Variants in FNIP1 observed in about 807,000 individuals in gnomAD.
The protein encoded by FNIP1 is folliculin interacting protein 1.
In FNIP1, 40 loss-of-function variants were observed where a neutral mutation model predicts 124.5. The ratio of observed to expected loss-of-function variants is 0.32; its 90% CI spans 0.25 to 0.42. The LOEUF (loss-of-function observed/expected upper bound fraction) is 0.42, where lower values mean the gene tolerates loss of function less well. Among genes scored for constraint, FNIP1 ranks in the 10% least tolerant of loss-of-function variants. The pLI, the probability that FNIP1 is intolerant of heterozygous loss-of-function variation, is 1.00. For missense variants in FNIP1, 1,176 were observed against 1,403.7 expected (o/e 0.84, Z 2.59); for synonymous variants, 472 against 470.6 (o/e 1.00, Z -0.04).
chr5:131,714,395 T>C lies in FNIP1; in HGVS notation c.622+2170A>G, dbSNP rs531110601. On this transcript the variant is annotated intron_variant, in intron 6 of 17. Transcript: ENST00000510461. ...CATTTCCCCTAATACAATTGTTGCA[T>C]GTTTAATCCTGTCTTTGGCAAACCG... Among the ~76,000 whole-genome samples, 84 of 152,308 alleles carry C rather than the reference T, an allele frequency of 5.5e-4. 1 individual carries two copies. The highest frequency in any genetic ancestry group is 1.8e-3 in the African/African-American group (76 of 41,566).
intron 1 of FNIP1, among the ~76,000 whole-genome samples, chr5:131,782,401 C>CAA: frequency 6.6e-6 from 1 of 151,812 alleles, no homozygotes; most frequent in Non-Finnish European, 1.5e-5. Context: ...AACAAAAAAA[C>CAA]AAAAACCAAA....
chr5:131,696,753 A>G (rs1188274489), intron 11 of FNIP1, among the ~76,000 whole-genome samples: 1 of 152,154 alleles, frequency 6.6e-6, no homozygotes, highest in African/African-American at 2.4e-5. Context: ...ATACCAAAAA[A>G]TAATATAAGG....
At chr5:131,728,064 T>C (rs1210112205) in intron 3 of FNIP1, among the ~76,000 whole-genome samples, 1 of 152,242 alleles carries the variant, frequency 6.6e-6, no homozygotes, top group East Asian at 1.9e-4. Flanking sequence ...TCTGATGGAC[T>C]TTCCTTTGTG....
chr5:131,741,156 T>C (rs1347895352), intron 2 of FNIP1, among the ~76,000 whole-genome samples: 2 of 152,238 alleles, frequency 1.3e-5, no homozygotes, highest in Non-Finnish European at 2.9e-5. Flanking sequence ...CCCTGAATTC[T>C]TTCTTGCTCA....
At position 131,740,734 on chromosome 5, in the gene FNIP1, C is replaced by A. The variant is rs1398119733; in HGVS notation, c.219+3830G>T. On this transcript the variant is annotated intron_variant, in intron 2 of 17. Transcript: ENST00000510461. ...GGGGCTGGGTAAAATAAGGCTCAGA[C>A]CGACTGGGCTGCATTCCCAGATGGT... Among the ~76,000 whole-genome samples, 6 of 152,164 alleles carry A rather than the reference C, an allele frequency of 3.9e-5. No homozygotes were observed. The South Asian group carries it at 1.0e-3, about 26-fold the overall frequency.
chr5:131,672,087 T>C lies in FNIP1; in HGVS notation c.2357A>G (p.Glu786Gly), dbSNP rs984004872. 4 of 1,614,076 alleles carry C rather than the reference T, an allele frequency of 2.5e-6. No individual in the cohort carries two copies. Among genetic ancestry groups the C allele is most frequent in the African/African-American group, 2.7e-5 (2 of 74,912 alleles). ...ATGCTGATCAATAGCCCCTCTTTCT[T>C]CCTTCAATGGTTTGGTGTGATGTCT... ...ITRHHTKPLK[E>G]ERGAIDQHQE... Residue 786 changes from glutamate to glycine, a missense_variant, in exon 14 of 18, where the codon GAA becomes GGA. Transcript: ENST00000510461.
intron 15 of FNIP1, among the ~76,000 whole-genome samples, chr5:131,663,362 C>T (rs1292674455): frequency 3.3e-5 from 5 of 152,096 alleles, no homozygotes; most frequent in Middle Eastern, 3.2e-3. Flanking sequence ...TTTCTTGATT[C>T]TCTGTTTCTG....
intron 1 of FNIP1, among the ~76,000 whole-genome samples, chr5:131,744,917 C>T (rs1770626500): frequency 6.6e-6 from 1 of 151,116 alleles, no homozygotes. Flanking sequence ...TGGTAACTAT[C>T]AGTATATATA....
chr5:131,665,984 C>G (rs1261514620), intron 15 of FNIP1, among the ~76,000 whole-genome samples: 1 of 150,084 alleles, frequency 6.7e-6, no homozygotes, highest in Non-Finnish European at 1.5e-5. Flanking sequence ...TCACTGCAAG[C>G]TCCGCCTCCT....
intron 1 of FNIP1, among the ~76,000 whole-genome samples, chr5:131,779,640 A>G (rs1199409743): frequency 6.6e-6 from 1 of 151,254 alleles, no homozygotes; most frequent in Non-Finnish European, 1.5e-5. Flanking sequence ...GTGAGCCGAT[A>G]TCGCACCACT....
chr5:131,733,838 C>T (rs1342221667), intron 2 of FNIP1, among the ~76,000 whole-genome samples: 1 of 152,106 alleles, frequency 6.6e-6, no homozygotes, highest in Non-Finnish European at 1.5e-5. Context: ...ATGATGCTGG[C>T]CTCATAAAAT....
chr5:131,657,442 C>T (rs1767230224), intron 15 of FNIP1, among the ~76,000 whole-genome samples: 1 of 152,012 alleles, frequency 6.6e-6, no homozygotes, highest in Non-Finnish European at 1.5e-5. Flanking sequence ...GTCTAATTGC[C>T]CCTAAACACA....
intron 1 of FNIP1, among the ~76,000 whole-genome samples, chr5:131,766,724 A>G (rs991829506): frequency 2.0e-5 from 3 of 152,222 alleles, no homozygotes; most frequent in African/African-American, 7.2e-5. Flanking sequence ...CCAATGGTGT[A>G]ATTCTCAGTC....
At chr5:131,729,212 G>A (rs1462860795) in intron 3 of FNIP1, among the ~76,000 whole-genome samples, 1 of 152,196 alleles carries the variant, frequency 6.6e-6, no homozygotes, top group Non-Finnish European at 1.5e-5. Flanking sequence ...CTTGAAAGCT[G>A]TGCTGAGAGA....
intron 14 of FNIP1, 147 bp from the exon 15 acceptor site, chr5:131,670,778 C>A: frequency 1.9e-6 from 1 of 522,210 alleles, no homozygotes; most frequent in Admixed American, 3.9e-5. Context: ...ATAATGGTAA[C>A]AATCGTAAAA....
At chr5:131,669,471 T>C (rs1767689170) in intron 15 of FNIP1, among the ~76,000 whole-genome samples, 1 of 152,090 alleles carries the variant, frequency 6.6e-6, no homozygotes, top group Non-Finnish European at 1.5e-5. Context: ...AAAAATTATA[T>C]ACCATGACAG....
chr5:131,703,010 T>C (rs1768953689), intron 10 of FNIP1, among the ~76,000 whole-genome samples: 1 of 152,244 alleles, frequency 6.6e-6, no homozygotes, highest in African/African-American at 2.4e-5. Context: ...ATGACTTCTC[T>C]GGTAAACTCC....
intron 1 of FNIP1, among the ~76,000 whole-genome samples, chr5:131,766,067 T>C (rs1375190097): frequency 6.6e-6 from 1 of 152,156 alleles, no homozygotes; most frequent in Non-Finnish European, 1.5e-5. Flanking sequence ...GTCTGCAGAT[T>C]AATATTCCCT....
chr5:131,734,262 T>C (rs1770206589), intron 2 of FNIP1, among the ~76,000 whole-genome samples: 1 of 152,300 alleles, frequency 6.6e-6, no homozygotes, highest in East Asian at 1.9e-4. Flanking sequence ...TTTGTTGATC[T>C]TTTCAAAAAA....
Sources: gnomAD v4.1 joint callset for allele counts (sites outside exome capture counted in the v4.1 genomes callset) on GRCh38, gnomAD v4.1.1 for gene constraint, MANE v1.5 for transcripts, NCBI Gene and HGNC (gene_info 2026-07-23, HGNC 2026-07-21) for gene names.